The following GDPD5 variants were observed in gnomAD, a reference collection of about 807,000 sequenced individuals.
GDPD5 encodes the protein glycerophosphodiester phosphodiesterase domain containing 5.
In GDPD5, 48 loss-of-function variants were observed where a neutral mutation model predicts 75.1. The observed-to-expected ratio is 0.64, with a 90% CI of 0.51 to 0.81. The LOEUF (loss-of-function observed/expected upper bound fraction) is 0.81, where lower values mean the gene tolerates loss of function less well. Ranked by LOEUF, GDPD5 falls within the 40% of genes least tolerant of loss-of-function variation. The probability of loss-of-function intolerance (pLI) is 0.00; values close to 1 mark genes in which losing one functional copy is unlikely to be tolerated. For synonymous variants in GDPD5, 336 were observed against 339.0 expected, an observed-to-expected ratio of 0.99 and a Z score of 0.10; for missense variants, 706 against 822.6, an observed-to-expected ratio of 0.86 and a Z score of 1.73.
chr11:75,460,718 T>C (rs1949392141), intron 4 of GDPD5, among the ~76,000 whole-genome samples: 1 of 152,038 alleles, frequency 6.6e-6, no homozygotes, highest in South Asian at 2.1e-4. Flanking sequence ...CGTGCTGAGA[T>C]TACAGGCATG....
chr11:75,480,499 C>T (rs1949887392), intron 2 of GDPD5, among the ~76,000 whole-genome samples: 1 of 152,160 alleles, frequency 6.6e-6, no homozygotes, highest in Admixed American at 6.5e-5. Flanking sequence ...TATGTGCTGC[C>T]ACACCTGGAT....
chr11:75,440,883 C>CCCT (rs1430236184), intron 14 of GDPD5, among the ~76,000 whole-genome samples: 1 of 152,162 alleles, frequency 6.6e-6, no homozygotes, highest in East Asian at 1.9e-4. Flanking sequence ...GTCCTTGTTA[C>CCCT]CCTCCAAAGC....
intron 1 of GDPD5, among the ~76,000 whole-genome samples, chr11:75,496,670 A>C (rs1950214069): frequency 6.6e-6 from 1 of 152,136 alleles, no homozygotes; most frequent in African/African-American, 2.4e-5. Context: ...CAACATTTAC[A>C]AGGGCTGGAC....
At position 75,456,820 on chromosome 11, in the gene GDPD5, A is replaced by G; in HGVS notation, c.316-4T>C. On this transcript the variant is annotated splice_region_variant and splice_polypyrimidine_tract_variant and intron_variant, in intron 5 of 16. Transcript: ENST00000336898. ...CAATGTGACATAGTGCCAGGACCTG[A>G]GGAGGGACCCACAGGGTGATTGTCA... 6.2e-7 allele frequency: 1 copy of G among 1,614,134 alleles called. No homozygotes were observed. The highest frequency in any genetic ancestry group is 8.5e-7 in the Non-Finnish European group (1 of 1,179,960).
rs1473832926 is a variant in GDPD5, at chr11:75,449,550, C to G, written c.535G>C (p.Val179Leu). Residue 179 changes from valine to leucine, a missense_variant, in exon 8 of 17, where the codon GTG becomes CTG. Coordinates refer to ENST00000336898, the MANE Select transcript of GDPD5 (RefSeq NM_030792.8). The part of the protein sequence containing the change: ...VAAVTMLSWI[V>L]AGQFARAERT... ...TCTGCGCGGGCGAACTGTCCTGCCA[C>G]GATCCAGGAGAGCATGGTGACTGCT... 2.1e-5 allele frequency: 34 copies of G among 1,587,542 alleles called. No homozygotes were observed. Among genetic ancestry groups the G allele is most frequent in the Non-Finnish European group, 2.9e-5 (34 of 1,167,418 alleles).
chr11:75,471,970 C>G (rs1276643484), intron 3 of GDPD5, among the ~76,000 whole-genome samples: 1 of 152,106 alleles, frequency 6.6e-6, no homozygotes, highest in Non-Finnish European at 1.5e-5. Flanking sequence ...AAATAAAGCT[C>G]AGAGGGCCTC....
chr11:75,492,149 C>T (rs1013184817), intron 1 of GDPD5, among the ~76,000 whole-genome samples: 2 of 152,190 alleles, frequency 1.3e-5, no homozygotes, highest in Admixed American at 6.5e-5. Context: ...GTTGTCTGGA[C>T]GCGGAGGCCG....
At chr11:75,509,210 C>T (rs933995989) in intron 1 of GDPD5, among the ~76,000 whole-genome samples, 1 of 152,184 alleles carries the variant, frequency 6.6e-6, no homozygotes, top group African/African-American at 2.4e-5. Context: ...CATGTGCTCC[C>T]AGCCTTCCTC....
At position 75,442,997 on chromosome 11, in the gene GDPD5, C is replaced by CACT. The variant is rs1948868572; in HGVS notation, c.948+136_948+138dup. Reference sequence around the variant, plus strand: ...CAGCAGTGGCAGGAGCCTAGGAGGCCACTAAGCAGCTTGGGTGGAGGTCGC... The same window carrying CACT: ...CAGCAGTGGCAGGAGCCTAGGAGGCCACTACTAAGCAGCTTGGGTGGAGGTCGC... On this transcript the variant is annotated intron_variant, in intron 11 of 16. Coordinates refer to ENST00000336898, the MANE Select transcript of GDPD5 (RefSeq NM_030792.8). The CACT allele has an allele frequency of 1.5e-5, 14 of 947,058 alleles. No homozygotes were observed. In the South Asian group the frequency reaches 2.0e-4, roughly 14 times the overall value. 58.7% of individuals were successfully genotyped at this position (947,058 alleles called of 1,614,324 possible).
chr11:75,496,744 CA>C (rs901777211), intron 1 of GDPD5, among the ~76,000 whole-genome samples: 1 of 150,970 alleles, frequency 6.6e-6, no homozygotes, highest in Non-Finnish European at 1.5e-5. Context: ...CCTCCCGCTG[CA>C]GACTATTTTT....
In GDPD5 at chr11:75,439,932, G is replaced by A; in HGVS notation, c.1503C>T (p.Val501=). 2 of 1,613,980 alleles carry A rather than the reference G, an allele frequency of 1.2e-6. No individual in the cohort carries two copies. The highest frequency in any genetic ancestry group is 1.7e-5 in the Admixed American group (1 of 59,998). Reference sequence around the variant, plus strand: ...GGGTGAAGGAGACCAGGTCGGCAGTGACCCACATGAGACAGTACTCGTCCG... The same window carrying A: ...GGGTGAAGGAGACCAGGTCGGCAGTAACCCACATGAGACAGTACTCGTCCG... ...MPPDEYCLMW[V]TADLVSFTLI... The change falls in exon 15 of 17, where the codon GTC becomes GTT. Residue 501 remains valine (V), a synonymous_variant. Transcript: ENST00000336898.
At chr11:75,451,627 C>T (rs917522525) in intron 6 of GDPD5, 1 of 152,280 alleles carries the variant, frequency 6.6e-6, no homozygotes, top group Non-Finnish European at 1.5e-5. Flanking sequence ...GGCCCCTTCT[C>T]CCGGCTGCCC....
chr11:75,456,756 C>A lies in GDPD5; in HGVS notation c.375+1G>T, dbSNP rs1949293747. Reference sequence around the variant, plus strand: ...CCAGCCCCGGCCGAGGCGGCCCTTACCTTGTGCAGCCAGTGCAGGTTCATC... The same window carrying A: ...CCAGCCCCGGCCGAGGCGGCCCTTAACTTGTGCAGCCAGTGCAGGTTCATC... On this transcript the variant is annotated splice_donor_variant, in intron 6 of 16. Transcript: ENST00000336898. LOFTEE classifies it high-confidence loss of function. 1 of 1,614,182 alleles carries A rather than the reference C, an allele frequency of 6.2e-7. No individual in the cohort carries two copies. Among genetic ancestry groups the A allele is most frequent in the Admixed American group, 1.7e-5 (1 of 60,034 alleles).
intron 1 of GDPD5, among the ~76,000 whole-genome samples, chr11:75,510,899 T>C (rs1395359348): frequency 2.6e-5 from 4 of 152,224 alleles, no homozygotes; most frequent in East Asian, 3.9e-4. Context: ...CTCCGCTGAA[T>C]TGAGTAAATG....
At chr11:75,500,350 C>G (rs894435228) in intron 1 of GDPD5, among the ~76,000 whole-genome samples, 1 of 152,200 alleles carries the variant, frequency 6.6e-6, no homozygotes, top group African/African-American at 2.4e-5. Context: ...TTCGTCCCAC[C>G]CACTGCAAAA....
intron 3 of GDPD5, among the ~76,000 whole-genome samples, chr11:75,464,418 C>T (rs914402883): frequency 7.2e-5 from 11 of 152,286 alleles, no homozygotes; most frequent in South Asian, 4.1e-4. Context: ...CTCTCCAGAA[C>T]GTAGGAAAGG....
chr11:75,523,416 T>C (rs1352944832), intron 1 of GDPD5, among the ~76,000 whole-genome samples: 2 of 152,196 alleles, frequency 1.3e-5, no homozygotes, highest in African/African-American at 4.8e-5. Context: ...CCTGGGGAAG[T>C]GGTTTTACCT....
At chr11:75,472,852 G>A (rs1023000009) in intron 3 of GDPD5, among the ~76,000 whole-genome samples, 3 of 152,124 alleles carry the variant, frequency 2.0e-5, no homozygotes, top group Non-Finnish European at 4.4e-5. Context: ...CACATGGCCA[G>A]CACAGGTCAA....
At chr11:75,503,623 C>T (rs1273102531) in intron 1 of GDPD5, among the ~76,000 whole-genome samples, 1 of 152,038 alleles carries the variant, frequency 6.6e-6, no homozygotes, top group African/African-American at 2.4e-5. Context: ...AATAAATGAG[C>T]GAAGGAAGGA....
Sources: allele counts gnomAD v4.1 joint callset (sites outside exome capture counted in the v4.1 genomes callset), GRCh38; gene constraint gnomAD v4.1.1; transcripts MANE v1.5; gene names NCBI Gene and HGNC (gene_info 2026-07-23, HGNC 2026-07-21).